The following NELL2 variants were observed in gnomAD, a reference collection of about 807,000 sequenced individuals.
NELL2 encodes the protein neural EGFL like 2.
NELL2 carries 41 observed loss-of-function variants against 109.6 expected under a neutral mutation model. The ratio of observed to expected loss-of-function variants is 0.37; its 90% CI spans 0.29 to 0.49. The LOEUF is 0.49. Among genes scored for constraint, NELL2 ranks in the 20% least tolerant of loss-of-function variants. The pLI, the probability that NELL2 is intolerant of heterozygous loss-of-function variation, is 0.98. For missense variants in NELL2, 900 were observed against 1,008.3 expected (o/e 0.89, Z 1.45); for synonymous variants, 355 against 344.7 (o/e 1.03, Z -0.33).
At chr12:44,598,511 T>C (rs1271030042) in intron 15 of NELL2, among the ~76,000 whole-genome samples, 1 of 152,178 alleles carries the variant, frequency 6.6e-6, no homozygotes, top group East Asian at 1.9e-4. Flanking sequence ...GATTTCTGAA[T>C]GGCCAAAGTT....
At chr12:44,824,082 AT>A (rs1943626059) in intron 2 of NELL2, among the ~76,000 whole-genome samples, 1 of 151,980 alleles carries the variant, frequency 6.6e-6, no homozygotes, top group East Asian at 1.9e-4. Context: ...TAATCAGGTT[AT>A]TTGTTTTCTT....
chr12:44,560,798 G>C lies in NELL2; in HGVS notation c.1664-28077C>G, dbSNP rs142636882. ...TCCTTCTGAAACTAACCAAACAATA[G>C]AAAAAGAAGGACTCCTCCCTAAGTC... On this transcript the variant is annotated intron_variant, in intron 15 of 19. Transcript: ENST00000429094. 7.2e-4 allele frequency among the ~76,000 whole-genome samples: 110 copies of C among 152,138 alleles called. 1 individual carries two copies. The highest frequency in any genetic ancestry group is 3.7e-3 in the Admixed American group (57 of 15,276).
intron 9 of NELL2, among the ~76,000 whole-genome samples, chr12:44,759,581 A>G (rs1270056937): frequency 6.6e-6 from 1 of 152,196 alleles, no homozygotes; most frequent in East Asian, 1.9e-4. Flanking sequence ...TTGAAGAAAA[A>G]AATCCCAGCT....
At chr12:44,649,191 C>T (rs554359503) in intron 13 of NELL2, among the ~76,000 whole-genome samples, 76 of 151,982 alleles carry the variant, frequency 5.0e-4, no homozygotes, top group African/African-American at 1.7e-3. Context: ...TATTTTTCTC[C>T]TTCTCTCTTC....
At chr12:44,587,575 A>G (rs1431812578) in intron 15 of NELL2, among the ~76,000 whole-genome samples, 1 of 152,100 alleles carries the variant, frequency 6.6e-6, no homozygotes, top group Non-Finnish European at 1.5e-5. Context: ...AGAATCACAG[A>G]ATCGAAAAGA....
chr12:44,789,282 C>T (rs1331349798), intron 3 of NELL2, among the ~76,000 whole-genome samples: 1 of 152,134 alleles, frequency 6.6e-6, no homozygotes. Context: ...GACCCATAGA[C>T]GATTCACATC....
intron 9 of NELL2, among the ~76,000 whole-genome samples, chr12:44,725,673 A>C (rs2136462116): frequency 6.6e-6 from 1 of 152,362 alleles, no homozygotes; most frequent in African/African-American, 2.4e-5. Flanking sequence ...CTATGCAGCC[A>C]TAAAAACAAT....
chr12:44,737,094 G>A (rs569031117), intron 9 of NELL2, among the ~76,000 whole-genome samples: 1 of 151,870 alleles, frequency 6.6e-6, no homozygotes, highest in East Asian at 1.9e-4. Context: ...TTTCTATTTT[G>A]TAAAAATTAT....
intron 15 of NELL2, among the ~76,000 whole-genome samples, chr12:44,552,980 T>C (rs1369345627): frequency 6.6e-6 from 1 of 151,952 alleles, no homozygotes; most frequent in Non-Finnish European, 1.5e-5. Context: ...AAGGTGAACA[T>C]TTCCTAGAAA....
chr12:44,738,401 C>T (rs1939765165), intron 9 of NELL2, among the ~76,000 whole-genome samples: 1 of 151,180 alleles, frequency 6.6e-6, no homozygotes, highest in African/African-American at 2.4e-5. Flanking sequence ...AACATGGAAA[C>T]AACCTAAGTG....
intron 13 of NELL2, among the ~76,000 whole-genome samples, chr12:44,628,327 G>A (rs1946337971): frequency 6.6e-6 from 1 of 152,118 alleles, no homozygotes; most frequent in Non-Finnish European, 1.5e-5. Flanking sequence ...TTATCCAGTG[G>A]TTGCTGAAGA....
intron 1 of NELL2, among the ~76,000 whole-genome samples, chr12:44,907,454 G>A (rs955987851): frequency 2.0e-5 from 3 of 152,092 alleles, no homozygotes; most frequent in African/African-American, 7.2e-5. Context: ...TATAGGCCAA[G>A]TAAAATGAAG....
intron 2 of NELL2, among the ~76,000 whole-genome samples, chr12:44,860,755 T>G (rs559031786): frequency 1.3e-5 from 2 of 152,328 alleles, no homozygotes; most frequent in Admixed American, 1.3e-4. Flanking sequence ...TTTGCAAATC[T>G]AATCTCCCCT....
rs41440747 is a variant in NELL2 at position 44,810,387 on chromosome 12, C to G, written c.335+5599G>C. ...CATTCCACAGCATTAATGGGGTTAT[C>G]GCTAAATGTCAGAATTATAGGCAGT... On this transcript the variant is annotated intron_variant, in intron 3 of 19. Transcript: ENST00000429094. Among the ~76,000 whole-genome samples, 1,460 of 152,136 alleles carry G rather than the reference C, an allele frequency of 9.6e-3. 27 individuals carry two copies. Among genetic ancestry groups the G allele is most frequent in the African/African-American group, 0.034 (1,398 of 41,530 alleles).
At position 44,854,580 on chromosome 12, in the gene NELL2, T is replaced by A. The variant is rs74417003; in HGVS notation, c.184+20645A>T. 5.8e-3 allele frequency among the ~76,000 whole-genome samples: 882 copies of A among 152,258 alleles called. 36 individuals carry two copies. The East Asian group carries it at 0.12, about 21-fold the overall frequency. ...GTTTAATCTAACTCCCATCTACACA[T>A]CATTGAAACATTTTTGCTAAAATAC... On this transcript the variant is annotated intron_variant, in intron 2 of 19. Coordinates refer to ENST00000429094, the MANE Select transcript of NELL2 (RefSeq NM_001145108.2).
At chr12:44,612,749 T>A (rs1473897558) in intron 13 of NELL2, among the ~76,000 whole-genome samples, 1 of 151,970 alleles carries the variant, frequency 6.6e-6, no homozygotes, top group African/African-American at 2.4e-5. Context: ...TCTATAAATC[T>A]CTATATGGAC....
intron 2 of NELL2, among the ~76,000 whole-genome samples, chr12:44,832,969 G>A (rs1239763847): frequency 6.6e-6 from 1 of 152,148 alleles, no homozygotes; most frequent in Non-Finnish European, 1.5e-5. Context: ...TCTTAGCAAT[G>A]TTATAAATTT....
Position 44,769,368 on chromosome 12 carries a change from T to C in NELL2, c.994+5379A>G, listed in dbSNP as rs11182660. 2.2e-3 allele frequency among the ~76,000 whole-genome samples: 342 copies of C among 152,250 alleles called. 9 individuals carry two copies. The East Asian group carries it at 0.048, about 22-fold the overall frequency. ...ACAAAAAGGCACTCATCTTCATTAG[T>C]CACCTGGGAAATAACAAAATTAGGC... is the stretch of plus-strand genomic sequence containing the variant. On this transcript the variant is annotated intron_variant, in intron 9 of 19. Transcript: ENST00000429094.
chr12:44,825,160 T>G (rs1310098516), intron 2 of NELL2, among the ~76,000 whole-genome samples: 2 of 152,102 alleles, frequency 1.3e-5, no homozygotes, highest in Admixed American at 1.3e-4. Flanking sequence ...TCATTGAAAT[T>G]TTAATAGGAA....
Sources: allele counts gnomAD v4.1 joint callset (sites outside exome capture counted in the v4.1 genomes callset), GRCh38; gene constraint gnomAD v4.1.1; transcripts MANE v1.5; gene names NCBI Gene and HGNC (gene_info 2026-07-23, HGNC 2026-07-21).